The following CPO variants were observed in gnomAD, a reference collection of about 807,000 sequenced individuals.
CPO encodes carboxypeptidase O.
Under a neutral mutation model 41.2 loss-of-function variants are expected in CPO, and 43 were observed. The ratio of observed to expected loss-of-function variants is 1.04; its 90% CI spans 0.82 to 1.35. The LOEUF is 1.35. Among genes scored for constraint, CPO ranks in the 40% most tolerant of loss-of-function variants. The probability of loss-of-function intolerance (pLI) is 0.00; values close to 1 mark genes in which losing one functional copy is unlikely to be tolerated. For synonymous variants in CPO, 178 were observed against 162.7 expected (o/e 1.09, Z -0.72); for missense variants, 408 against 451.7 (o/e 0.90, Z 0.88).
At chr2:206,963,990 A>C (rs1360670271) in intron 7 of CPO, among the ~76,000 whole-genome samples, 1 of 152,186 alleles carries the variant, frequency 6.6e-6, no homozygotes, top group Admixed American at 6.5e-5. Context: ...ATTCTTGCCA[A>C]CACTTGTTAT....
chr2:206,950,746 T>TA lies in CPO; in HGVS notation c.165+1039dup, dbSNP rs765368347. ...TACACCATGGAATACTATGCAGCCA[T>TA]AAAAAAGGATGAGTTCATGTCCTTT... On this transcript the variant is annotated intron_variant, in intron 2 of 8. Transcript: ENST00000272852. Among the ~76,000 whole-genome samples the TA allele has an allele frequency of 2.3e-4, 35 of 152,020 alleles. 1 individual carries two copies. Among genetic ancestry groups the TA allele is most frequent in the Non-Finnish European group, 4.6e-4 (31 of 68,014 alleles).
At chr2:206,948,995 G>T (rs963182035) in intron 1 of CPO, among the ~76,000 whole-genome samples, 1 of 151,534 alleles carries the variant, frequency 6.6e-6, no homozygotes, top group South Asian at 2.1e-4. Flanking sequence ...GGAACTATCT[G>T]CATTTTCTGC....
At chr2:206,962,003 G>A (rs910460540) in intron 6 of CPO, among the ~76,000 whole-genome samples, 3 of 151,406 alleles carry the variant, frequency 2.0e-5, no homozygotes, top group Admixed American at 1.3e-4. Flanking sequence ...GGGAGGCTGA[G>A]GCAGGAGAAT....
chr2:206,957,535 G>T (rs964002816), intron 3 of CPO, among the ~76,000 whole-genome samples: 12 of 152,138 alleles, frequency 7.9e-5, no homozygotes, highest in African/African-American at 2.7e-4. Flanking sequence ...GAGGAAGGGG[G>T]CCTTCATCAC....
intron 2 of CPO, among the ~76,000 whole-genome samples, chr2:206,950,862 G>A (rs1207292567): frequency 6.6e-6 from 1 of 151,864 alleles, no homozygotes; most frequent in Non-Finnish European, 1.5e-5. Flanking sequence ...ACCCATAAGT[G>A]GGAGTTGAAT....
chr2:206,958,955 G>A (rs1278473001), intron 4 of CPO, among the ~76,000 whole-genome samples: 2 of 151,494 alleles, frequency 1.3e-5, no homozygotes, highest in East Asian at 3.9e-4. Flanking sequence ...TGGTCAGACT[G>A]GTCTGGAACC....
At chr2:206,962,809 C>T (rs1456243899) in intron 7 of CPO, among the ~76,000 whole-genome samples, 195 bp downstream of exon 7, 1 of 152,188 alleles carries the variant, frequency 6.6e-6, no homozygotes, top group Non-Finnish European at 1.5e-5. Flanking sequence ...GCTTTACCTA[C>T]ATTAATTAAC....
intron 1 of CPO, among the ~76,000 whole-genome samples, chr2:206,945,706 T>A (rs1467305634): frequency 6.6e-6 from 1 of 152,206 alleles, no homozygotes; most frequent in Non-Finnish European, 1.5e-5. Context: ...AGTAGCTTTA[T>A]TAAGCTGTTT....
Position 206,962,617 on chromosome 2 carries a change from G to A in CPO, c.777+3G>A. On this transcript the variant is annotated splice_donor_region_variant and intron_variant, in intron 7 of 8. Transcript: ENST00000272852. Reference sequence around the variant, plus strand: ...AATCAAGTAACCACCCAGAAATGGTGAGTCCATAGCACCAAGGCCTCCAGA... The same window carrying A: ...AATCAAGTAACCACCCAGAAATGGTAAGTCCATAGCACCAAGGCCTCCAGA... 2 of 1,612,920 alleles carry A rather than the reference G, an allele frequency of 1.2e-6. No individual in the cohort carries two copies. The highest frequency in any genetic ancestry group is 1.7e-6 in the Non-Finnish European group (2 of 1,178,974).
chr2:206,948,507 C>T (rs1693188748), intron 1 of CPO, among the ~76,000 whole-genome samples: 2 of 152,132 alleles, frequency 1.3e-5, no homozygotes, highest in African/African-American at 4.8e-5. Context: ...CTCACACTTA[C>T]AATCCCAGCA....
intron 7 of CPO, among the ~76,000 whole-genome samples, chr2:206,967,339 A>C (rs11891068): frequency 1.2e-5 from 1 of 80,746 alleles, no homozygotes; most frequent in Non-Finnish European, 2.9e-5. Context: ...TGCTATATAT[A>C]TATATATATA....
chr2:206,948,163 G>C (rs780960234), intron 1 of CPO, among the ~76,000 whole-genome samples: 4 of 152,162 alleles, frequency 2.6e-5, no homozygotes, highest in Non-Finnish European at 5.9e-5. Context: ...GCCATATCTT[G>C]GAAGCAACCA....
At chr2:206,969,109 T>C (rs890356469) in intron 8 of CPO, 65 bp from the exon 9 acceptor site, 1 of 1,510,804 alleles carries the variant, frequency 6.6e-7, no homozygotes, top group African/African-American at 1.4e-5. Context: ...GTTCCTGAAA[T>C]GGCTATAGAA....
intron 1 of CPO, 140 bp downstream of exon 1, chr2:206,939,807 C>G: frequency 2.0e-6 from 1 of 498,896 alleles, no homozygotes; most frequent in Non-Finnish European, 3.6e-6. Context: ...ATAATAAAGA[C>G]CACTGAAATT....
chr2:206,943,739 TA>T lies in CPO; in HGVS notation c.68+4073del, dbSNP rs371658964. Among the ~76,000 whole-genome samples, 390 of 123,222 alleles carry T rather than the reference TA, an allele frequency of 3.2e-3. 2 individuals carry two copies. The highest frequency in any genetic ancestry group is 0.015 in the Admixed American group (180 of 11,728). 80.8% of individuals were successfully genotyped at this position (123,222 alleles called of 152,430 possible). A position where few individuals can be genotyped will look rare whatever the true frequency, so the allele number is the denominator to read the frequency against. On this transcript the variant is annotated intron_variant, in intron 1 of 8. Transcript: ENST00000272852. ...AGATGATGGATAGATGATAGATAGA[TA>T]GATAGATAGATAGATAGATAGATAG...
At chr2:206,961,734 C>T (rs1693481403) in intron 6 of CPO, among the ~76,000 whole-genome samples, 1 of 152,038 alleles carries the variant, frequency 6.6e-6, no homozygotes, top group Non-Finnish European at 1.5e-5. Context: ...AATGTCAGAA[C>T]CTTACCCAGG....
intron 2 of CPO, among the ~76,000 whole-genome samples, chr2:206,950,157 G>A (rs1693224219): frequency 6.6e-6 from 1 of 152,036 alleles, no homozygotes; most frequent in Non-Finnish European, 1.5e-5. Flanking sequence ...GTTCTCAAGA[G>A]GGGAAAACTT....
chr2:206,955,977 T>C (rs1693350332), intron 3 of CPO, among the ~76,000 whole-genome samples: 1 of 152,196 alleles, frequency 6.6e-6, no homozygotes, highest in African/African-American at 2.4e-5. Flanking sequence ...AATCTTCATT[T>C]TTAGCTTCTT....
rs139637466 is a variant in CPO at position 206,945,061 on chromosome 2, A to C, written c.69-4556A>C. ...TTACTAGGAATTGACTATATGTCAG[A>C]AATTGTGCTTATTGTTAAACACAGA... On this transcript the variant is annotated intron_variant, in intron 1 of 8. Coordinates refer to ENST00000272852, the MANE Select transcript of CPO (RefSeq NM_173077.3). 5.7e-3 allele frequency among the ~76,000 whole-genome samples: 864 copies of C among 152,268 alleles called. 6 individuals carry two copies. Among genetic ancestry groups the C allele is most frequent in the Admixed American group, 0.011 (162 of 15,282 alleles).
Sources: gnomAD v4.1 joint callset for allele counts (sites outside exome capture counted in the v4.1 genomes callset) on GRCh38, gnomAD v4.1.1 for gene constraint, MANE v1.5 for transcripts, NCBI Gene and HGNC (gene_info 2026-07-23, HGNC 2026-07-21) for gene names.